PTGR1: variants seen among roughly 807,000 people sequenced by gnomAD.
PTGR1 encodes the protein prostaglandin reductase 1.
PTGR1 carries 23 observed loss-of-function variants against 37.7 expected under a neutral mutation model. The observed-to-expected ratio is 0.61, with a 90% CI of 0.44 to 0.86. The LOEUF (loss-of-function observed/expected upper bound fraction) is 0.86. PTGR1 is among the 40% of genes least tolerant of loss of function. The probability of loss-of-function intolerance (pLI) is 0.00; values close to 1 mark genes in which losing one functional copy is unlikely to be tolerated. For synonymous variants in PTGR1, 134 were observed against 140.0 expected, an observed-to-expected ratio of 0.96 and a Z score of 0.30; for missense variants, 351 against 394.3, an observed-to-expected ratio of 0.89 and a Z score of 0.93.
chr9:111,550,326 GCT>G (rs1244478734), intron 9 of PTGR1, among the ~76,000 whole-genome samples: 1 of 152,156 alleles, frequency 6.6e-6, no homozygotes, highest in African/African-American at 2.4e-5. Context: ...TTCTTTGTCT[GCT>G]CTTTCTCTGT....
downstream of PTGR1, among the ~76,000 whole-genome samples, chr9:111,558,014 G>A (rs564249635): frequency 6.6e-6 from 1 of 152,102 alleles, no homozygotes; most frequent in Non-Finnish European, 1.5e-5. Context: ...AGGCATGGTG[G>A]TGCGCGCCTG....
Position 111,570,186 on chromosome 9 carries a change from A to G in PTGR1, c.784T>C (p.Tyr262His), listed in dbSNP as rs773759202. Reference protein sequence around the residue: ...PPGPPPEIVIYQELRMEAFVV... With the variant: ...PPGPPPEIVIHQELRMEAFVV... ...AAAGCTTCCATGCGAAGCTCCTGATAGATAACAATCTCTGGGGGTGGGCCT... is the reference window on the plus strand; with the variant it reads ...AAAGCTTCCATGCGAAGCTCCTGATGGATAACAATCTCTGGGGGTGGGCCT... The change falls in exon 9 of 10, where the codon TAT becomes CAT. Residue 262 changes from tyrosine (Y) to histidine (H), a missense_variant. By Grantham distance (83) the Tyr-to-His change is moderately conservative. Coordinates refer to ENST00000407693, the MANE Select transcript of PTGR1 (RefSeq NM_001146108.2). The G allele has an allele frequency of 2.1e-5, 34 of 1,613,858 alleles. No homozygotes were observed. In the African/African-American group the frequency reaches 2.1e-4, roughly 10 times the overall value.
At chr9:111,559,498 G>A (rs1589287560), downstream of PTGR1, among the ~76,000 whole-genome samples, 1 of 151,928 alleles carries the variant, frequency 6.6e-6, no homozygotes, top group Non-Finnish European at 1.5e-5. Flanking sequence ...TATGACTCAA[G>A]CCATGTTCAT....
intron 9 of PTGR1, 93 bp from the exon 10 acceptor site, chr9:111,563,324 A>G (rs1763144548): frequency 8.0e-7 from 1 of 1,253,540 alleles, no homozygotes; most frequent in South Asian, 1.6e-5. Flanking sequence ...CAGGTACATC[A>G]TTGGAAACCT....
intron 7 of PTGR1, chr9:111,577,521 CATT>C (rs1829111454): frequency 6.6e-6 from 1 of 152,148 alleles, no homozygotes; most frequent in African/African-American, 2.4e-5. Flanking sequence ...TTCATAGTAA[CATT>C]ATACTTCATA....
intron 4 of PTGR1, among the ~76,000 whole-genome samples, chr9:111,590,961 G>T (rs1415939122): frequency 1.3e-5 from 1 of 79,512 alleles, no homozygotes; most frequent in Non-Finnish European, 2.3e-5. Context: ...CATAATAATT[G>T]ATAGCAGTTT....
At chr9:111,574,477 T>A in intron 8 of PTGR1, 1 of 199,506 alleles carries the variant, frequency 5.0e-6, no homozygotes, top group Non-Finnish European at 1.0e-5. Flanking sequence ...GCCTCTTGAG[T>A]AGCTGGGACT....
chr9:111,597,281 C>T (rs1829808398), intron 2 of PTGR1, 36 bp downstream of exon 2: 1 of 1,473,040 alleles, frequency 6.8e-7, no homozygotes, highest in African/African-American at 1.4e-5. Context: ...CTGATACAGT[C>T]CCTTCCAACT....
intron 1 of PTGR1, among the ~76,000 whole-genome samples, chr9:111,598,468 C>A (rs1829849309): frequency 6.6e-6 from 1 of 152,210 alleles, no homozygotes; most frequent in African/African-American, 2.4e-5. Flanking sequence ...ATCTGCAGCC[C>A]GGGGTTGTTC....
rs181916993 is a variant in PTGR1 at position 111,551,469 on chromosome 9, G to A, written c.880-1670C>T. On this transcript the variant is annotated intron_variant, in intron 9 of 9. Transcript: ENST00000538962. Reference sequence around the variant, plus strand: ...GTTGCCCAGGCTGGAGTGCAGTGGCGCAATCTTGGTCCACTGCAACCTCCG... The same window carrying A: ...GTTGCCCAGGCTGGAGTGCAGTGGCACAATCTTGGTCCACTGCAACCTCCG... Among the ~76,000 whole-genome samples the A allele has an allele frequency of 5.4e-4, 70 of 130,376 alleles. No homozygotes were observed. The East Asian group carries it at 0.014, about 25-fold the overall frequency. 85.5% of individuals were successfully genotyped at this position (130,376 alleles called of 152,430 possible).
rs1379482292 is a variant in PTGR1 at position 111,574,820 on chromosome 9, G to A, written c.674C>T (p.Thr225Ile). ...AAATTTCTTCATCTGGCCGATAACAGTGTTTGAAAACTCTCCACCTACCTA... is the reference window on the plus strand; with the variant it reads ...AAATTTCTTCATCTGGCCGATAACAATGTTTGAAAACTCTCCACCTACCTA... ...FDNVGGEFSN[T>I]VIGQMKKFGR... Residue 225 changes from threonine to isoleucine, a missense_variant, in exon 8 of 10, where the codon ACT (threonine) becomes ATT (isoleucine). Thr to Ile is a moderately conservative substitution (Grantham distance 89). Transcript: ENST00000407693. 1 of 1,613,710 alleles carries A rather than the reference G, an allele frequency of 6.2e-7. No individual in the cohort carries two copies. Among genetic ancestry groups the A allele is most frequent in the African/African-American group, 1.3e-5 (1 of 75,016 alleles).
rs1828380005 is a variant in PTGR1 at position 111,563,067 on chromosome 9, AAAAC to A, written c.*50_*53del. 6.3e-7 allele frequency: 1 copy of A among 1,594,336 alleles called. No individual in the cohort carries two copies. The highest frequency in any genetic ancestry group is 1.4e-5 in the African/African-American group (1 of 73,988). On this transcript the variant is annotated 3_prime_UTR_variant, in exon 10 of 10. Coordinates refer to ENST00000407693, the MANE Select transcript of PTGR1 (RefSeq NM_001146108.2). ...AGTATACATTTTTGCTAAATGGTGA[AAAAC>A]AAATTAACTAATCATCTAAATGGCC... is the stretch of plus-strand genomic sequence containing the variant.
intron 4 of PTGR1, among the ~76,000 whole-genome samples, chr9:111,586,826 CT>C (rs35566435): frequency 0.14 from 20,255 of 142,372 alleles, 1,668 homozygotes; most frequent in East Asian, 0.25. Flanking sequence ...TATATGCATA[CT>C]TTTTTTTTTT....
At chr9:111,550,865 T>G (rs1184220770) in intron 9 of PTGR1, among the ~76,000 whole-genome samples, 1 of 152,224 alleles carries the variant, frequency 6.6e-6, no homozygotes, top group Non-Finnish European at 1.5e-5. Context: ...TATAGTGTCT[T>G]TCTGTGTTAT....
chr9:111,583,386 C>G (rs1017683387), intron 6 of PTGR1, 86 bp downstream of exon 6: 2 of 1,162,866 alleles, frequency 1.7e-6, no homozygotes, highest in Non-Finnish European at 2.6e-6. Flanking sequence ...TATAAACTCC[C>G]TGAGGCCAAG....
chr9:111,565,823 C>G (rs1395686844), intron 9 of PTGR1, among the ~76,000 whole-genome samples: 1 of 151,976 alleles, frequency 6.6e-6, no homozygotes, highest in Non-Finnish European at 1.5e-5. Flanking sequence ...CCGCACCCAG[C>G]CTAAAACTTT....
chr9:111,570,687 G>C (rs575366216), intron 8 of PTGR1, among the ~76,000 whole-genome samples: 1 of 152,202 alleles, frequency 6.6e-6, no homozygotes, highest in Non-Finnish European at 1.5e-5. Flanking sequence ...GCTGAGGCAG[G>C]AGAATTGCTT....
At chr9:111,583,683 T>A in intron 5 of PTGR1, 94 bp from the exon 6 acceptor site, 1 of 995,566 alleles carries the variant, frequency 1.0e-6, no homozygotes, top group African/African-American at 1.6e-5. Flanking sequence ...AGTGGCCCAG[T>A]GCCATGGGTC....
At chr9:111,553,124 G>T (rs1341055833) in intron 9 of PTGR1, among the ~76,000 whole-genome samples, 3 of 152,072 alleles carry the variant, frequency 2.0e-5, no homozygotes, top group Non-Finnish European at 4.4e-5. Flanking sequence ...CTCACTAAAT[G>T]GTTGCTAAAA....
Sources: allele counts gnomAD v4.1 joint callset (sites outside exome capture counted in the v4.1 genomes callset), GRCh38; gene constraint gnomAD v4.1.1; transcripts MANE v1.5; gene names NCBI Gene and HGNC (gene_info 2026-07-23, HGNC 2026-07-21).